The following NCKAP5 variants were observed in gnomAD, a reference collection of about 807,000 sequenced individuals.
NCKAP5 encodes NCK associated protein 5.
Under a neutral mutation model 167.0 loss-of-function variants are expected in NCKAP5, and 92 were observed. The ratio of observed to expected loss-of-function variants is 0.55; its 90% CI spans 0.47 to 0.66. The LOEUF (loss-of-function observed/expected upper bound fraction) is 0.66, where lower values mean the gene tolerates loss of function less well. Among genes scored for constraint, NCKAP5 ranks in the 30% least tolerant of loss-of-function variants. The probability of loss-of-function intolerance (pLI) is 0.00; values close to 1 mark genes in which losing one functional copy is unlikely to be tolerated. For synonymous variants in NCKAP5, 891 were observed against 877.4 expected (o/e 1.02, Z -0.27); for missense variants, 2,378 against 2,315.0 (o/e 1.03, Z -0.56).
At chr2:133,635,591 A>AT in the NCKAP5 span, among the ~76,000 whole-genome samples, 2 of 152,206 alleles carry the variant, frequency 1.3e-5, no homozygotes, top group Admixed American at 6.5e-5. Flanking sequence ...GTTGATCTTC[A>AT]TTTTTTTCAT....
chr2:133,507,212 C>T (rs762099809), intron 3 of NCKAP5, among the ~76,000 whole-genome samples: 6 of 152,202 alleles, frequency 3.9e-5, no homozygotes, highest in East Asian at 1.9e-4. Context: ...TCTCCAAAAA[C>T]GGCAGGCCTC....
chr2:133,476,771 AT>A (rs1381304313), intron 3 of NCKAP5, among the ~76,000 whole-genome samples: 1 of 152,062 alleles, frequency 6.6e-6, no homozygotes, highest in Non-Finnish European at 1.5e-5. Flanking sequence ...TAGCACATTG[AT>A]TTTTATATCA....
At chr2:132,759,213 A>G (rs1680801289) in intron 16 of NCKAP5, among the ~76,000 whole-genome samples, 1 of 152,120 alleles carries the variant, frequency 6.6e-6, no homozygotes, top group Non-Finnish European at 1.5e-5. Flanking sequence ...AGTATTCCAT[A>G]GTATAGGTAT....
chr2:132,963,518 C>A (rs1407707191), intron 8 of NCKAP5, among the ~76,000 whole-genome samples: 1 of 152,152 alleles, frequency 6.6e-6, no homozygotes, highest in Non-Finnish European at 1.5e-5. Context: ...CTATGTACTC[C>A]TTTTAAAACA....
At chr2:132,948,130 C>T (rs907171921) in intron 8 of NCKAP5, among the ~76,000 whole-genome samples, 1 of 152,126 alleles carries the variant, frequency 6.6e-6, no homozygotes, top group African/African-American at 2.4e-5. Flanking sequence ...GTAATGATGA[C>T]AGTTTTTTTT....
intron 3 of NCKAP5, among the ~76,000 whole-genome samples, chr2:133,448,274 G>T (rs1574973099): frequency 6.6e-6 from 1 of 151,782 alleles, no homozygotes; most frequent in East Asian, 1.9e-4. Flanking sequence ...GAGGGAGGCG[G>T]GTTGGTGGCC....
chr2:132,722,253 C>T (rs1342908251), intron 19 of NCKAP5, among the ~76,000 whole-genome samples: 1 of 152,150 alleles, frequency 6.6e-6, no homozygotes, highest in East Asian at 1.9e-4. Context: ...AATCTTGTCT[C>T]CTTTTTCAGG....
chr2:133,444,265 C>T (rs896862869), intron 3 of NCKAP5, among the ~76,000 whole-genome samples: 2 of 152,068 alleles, frequency 1.3e-5, no homozygotes, highest in Non-Finnish European at 1.5e-5. Context: ...TTAGGGCTAT[C>T]TCAGCGCTGT....
At chr2:133,545,968 G>T (rs543110111) in intron 2 of NCKAP5, among the ~76,000 whole-genome samples, 1 of 152,124 alleles carries the variant, frequency 6.6e-6, no homozygotes, top group Non-Finnish European at 1.5e-5. Flanking sequence ...TACTAGATTC[G>T]ATTAGTTTAA....
intron 6 of NCKAP5, among the ~76,000 whole-genome samples, chr2:133,058,167 T>C (rs1030712217): frequency 6.6e-6 from 1 of 152,164 alleles, no homozygotes; most frequent in African/African-American, 2.4e-5. Context: ...TCACTGACAA[T>C]GTACTAGGTC....
intron 2 of NCKAP5, among the ~76,000 whole-genome samples, chr2:133,548,495 T>A (rs1686957447): frequency 6.6e-6 from 1 of 151,406 alleles, no homozygotes; most frequent in Non-Finnish European, 1.5e-5. Flanking sequence ...CGGGTTACCC[T>A]CAAAGGGAAG....
intron 3 of NCKAP5, among the ~76,000 whole-genome samples, chr2:133,314,169 T>C (rs1347602158): frequency 6.6e-6 from 1 of 152,210 alleles, no homozygotes; most frequent in Middle Eastern, 3.2e-3. Flanking sequence ...GAAGCCAGGC[T>C]CCTTGCTTTT....
At chr2:133,518,418 G>A (rs564998008) in intron 2 of NCKAP5, among the ~76,000 whole-genome samples, 1 of 126,312 alleles carries the variant, frequency 7.9e-6, no homozygotes, top group Non-Finnish European at 1.6e-5. Flanking sequence ...ACAGTGGCAC[G>A]ATCTCAGCTC....
intron 11 of NCKAP5, among the ~76,000 whole-genome samples, chr2:132,816,746 C>T (rs982430213): frequency 2.0e-5 from 3 of 152,156 alleles, no homozygotes; most frequent in Non-Finnish European, 4.4e-5. Context: ...TAATATGACA[C>T]GGAGCTATGG....
intron 8 of NCKAP5, among the ~76,000 whole-genome samples, chr2:132,932,541 A>G (rs903345642): frequency 2.6e-5 from 4 of 152,246 alleles, no homozygotes; most frequent in African/African-American, 9.6e-5. Flanking sequence ...GGTAACACCA[A>G]TGGCACTCAC....
At chr2:132,741,055 A>G (rs1312081638) in intron 16 of NCKAP5, among the ~76,000 whole-genome samples, 1 of 152,066 alleles carries the variant, frequency 6.6e-6, no homozygotes, top group East Asian at 1.9e-4. Context: ...AATGTATTCC[A>G]AATGCCCACA....
At chr2:132,700,081 T>C (rs889612013) in intron 19 of NCKAP5, among the ~76,000 whole-genome samples, 3 of 151,028 alleles carry the variant, frequency 2.0e-5, no homozygotes, top group Non-Finnish European at 4.4e-5. Context: ...TGATGGCCAA[T>C]GATGATGAGC....
intron 6 of NCKAP5, chr2:133,123,263 T>C (rs1234891738): frequency 6.6e-6 from 1 of 152,382 alleles, no homozygotes; most frequent in African/African-American, 2.4e-5. Flanking sequence ...TAAGTTAGTA[T>C]TTGCCCAAGG....
rs2086311207 is a variant in NCKAP5 at position 133,213,833 on chromosome 2, C to T, written c.144-54G>A. ...GACCATTCTCAGGGTAGAGGTGACA[C>T]TGGCATGGCCGTGAAACATTCTTTT... On this transcript the variant is annotated intron_variant, in intron 4 of 19. Transcript: ENST00000409261. 4.5e-6 allele frequency: 7 copies of T among 1,559,202 alleles called. No homozygotes were observed. The Admixed American group carries it at 1.2e-4, about 26-fold the overall frequency.
Sources: gnomAD v4.1 joint callset for allele counts (sites outside exome capture counted in the v4.1 genomes callset) on GRCh38, gnomAD v4.1.1 for gene constraint, MANE v1.5 for transcripts, NCBI Gene and HGNC (gene_info 2026-07-23, HGNC 2026-07-21) for gene names.